PCDH15: variants seen among roughly 807,000 people sequenced by gnomAD.
PCDH15 encodes protocadherin related 15.
A neutral mutation model predicts 178.5 loss-of-function variants in PCDH15; 129 were observed. That is an observed-to-expected ratio of 0.72 (90% CI 0.63 to 0.84). The LOEUF (loss-of-function observed/expected upper bound fraction) is 0.84, where lower values mean the gene tolerates loss of function less well. PCDH15 is among the 40% of genes least tolerant of loss of function. PCDH15 has a pLI of 0.00. For synonymous variants in PCDH15, 800 were observed against 732.0 expected, an observed-to-expected ratio of 1.09 and a Z score of -1.50; for missense variants, 2,230 against 2,099.9, an observed-to-expected ratio of 1.06 and a Z score of -1.21.
chr10:54,199,171 T>C (rs1242549127), intron 10 of PCDH15, among the ~76,000 whole-genome samples: 2 of 152,176 alleles, frequency 1.3e-5, no homozygotes, highest in Non-Finnish European at 2.9e-5. Flanking sequence ...GAGTTAATAA[T>C]GATTAATATT....
At chr10:54,434,157 C>A (rs185246580) in intron 3 of PCDH15, among the ~76,000 whole-genome samples, 5 of 151,906 alleles carry the variant, frequency 3.3e-5, no homozygotes, top group African/African-American at 1.2e-4. Context: ...ACAATGTGTG[C>A]CTTAAGCTAA....
intron 1 of PCDH15, among the ~76,000 whole-genome samples, chr10:55,195,641 G>C (rs113391384): frequency 0.13 from 18,295 of 139,966 alleles, 1,455 homozygotes; most frequent in Non-Finnish European, 0.17. Flanking sequence ...GGTGACAGAG[G>C]GAAACTCCAT....
intron 2 of PCDH15, among the ~76,000 whole-genome samples, chr10:55,133,281 G>A (rs950105546): frequency 6.6e-6 from 1 of 152,106 alleles, no homozygotes; most frequent in Non-Finnish European, 1.5e-5. Context: ...GAAGTTCCCA[G>A]TCCTCATCTT....
chr10:54,078,676 C>T lies in PCDH15; in HGVS notation c.2091+655G>A, dbSNP rs539833315. 4.6e-5 allele frequency among the ~76,000 whole-genome samples: 7 copies of T among 151,298 alleles called. No individual in the cohort carries two copies. The South Asian group carries it at 1.2e-3, about 27-fold the overall frequency. ...TGGTAATATTACAATACATAGAAAGCGGGATGCTGGCAGTTGTGAATGAGA... is the reference window on the plus strand; with the variant it reads ...TGGTAATATTACAATACATAGAAAGTGGGATGCTGGCAGTTGTGAATGAGA... On this transcript the variant is annotated intron_variant, in intron 17 of 37. Coordinates refer to ENST00000644397, the MANE Select transcript of PCDH15 (RefSeq NM_001384140.1).
chr10:54,994,664 G>A (rs995369768), intron 2 of PCDH15, among the ~76,000 whole-genome samples: 1 of 152,088 alleles, frequency 6.6e-6, no homozygotes, highest in Admixed American at 6.5e-5. Flanking sequence ...TATAAACCAA[G>A]TGTATTTATA....
intron 18 of PCDH15, among the ~76,000 whole-genome samples, chr10:54,031,057 C>T (rs1026546796): frequency 4.6e-5 from 7 of 152,006 alleles, no homozygotes; most frequent in East Asian, 1.9e-4. Context: ...TGGAGGTCAA[C>T]GTATCACCTA....
At chr10:54,888,129 T>C (rs1954392882) in intron 3 of PCDH15, among the ~76,000 whole-genome samples, 1 of 152,132 alleles carries the variant, frequency 6.6e-6, no homozygotes. Flanking sequence ...ACAATCAAGA[T>C]AAAGGACGTA....
chr10:55,406,988 T>C (rs192983116), intron 2 of PCDH15, among the ~76,000 whole-genome samples: 65 of 152,312 alleles, frequency 4.3e-4, no homozygotes, highest in African/African-American at 1.6e-3. Flanking sequence ...ATGTTTATTA[T>C]AGGTTAACAA....
intron 2 of PCDH15, among the ~76,000 whole-genome samples, chr10:55,542,136 ATATATATGTC>A (rs779613329): frequency 1.3e-4 from 19 of 151,456 alleles, no homozygotes; most frequent in East Asian, 5.8e-4. Context: ...TCAGTATTAT[ATATATATGTC>A]TATATATGTC....
intron 14 of PCDH15, among the ~76,000 whole-genome samples, chr10:54,133,811 T>C (rs1477966735): frequency 1.3e-5 from 2 of 151,820 alleles, no homozygotes; most frequent in Non-Finnish European, 2.9e-5. Context: ...GATCTGAAAA[T>C]ACATAAGGTT....
intron 3 of PCDH15, among the ~76,000 whole-genome samples, chr10:54,401,560 T>C (rs1358024972): frequency 1.3e-5 from 2 of 151,796 alleles, no homozygotes; most frequent in East Asian, 3.9e-4. Context: ...ATCCGAAGAT[T>C]ATATTCAATG....
intron 2 of PCDH15, among the ~76,000 whole-genome samples, chr10:55,520,299 GTATATATATA>G (rs750692237): frequency 1.4e-5 from 1 of 71,540 alleles, no homozygotes; most frequent in Non-Finnish European, 2.6e-5. Flanking sequence ...CACGCAATAT[GTATATATATA>G]TATATACATG....
chr10:54,107,831 G>A (rs2094944829), intron 15 of PCDH15, among the ~76,000 whole-genome samples: 1 of 152,122 alleles, frequency 6.6e-6, no homozygotes, highest in Admixed American at 6.5e-5. Context: ...AGCCTGGCAT[G>A]GGGTCATCAA....
At chr10:54,790,520 A>C (rs191706573) in intron 1 of PCDH15, among the ~76,000 whole-genome samples, 2 of 151,802 alleles carry the variant, frequency 1.3e-5, no homozygotes, top group Non-Finnish European at 2.9e-5. Context: ...TTGATTTATG[A>C]AACCTTCTTT....
intron 2 of PCDH15, among the ~76,000 whole-genome samples, chr10:55,354,059 C>G (rs1845010846): frequency 6.6e-6 from 1 of 152,102 alleles, no homozygotes; most frequent in Admixed American, 6.6e-5. Context: ...AACTTATGCC[C>G]TCGTCTGATT....
intron 25 of PCDH15, among the ~76,000 whole-genome samples, chr10:53,905,518 G>C (rs959125372): frequency 6.6e-6 from 1 of 151,792 alleles, no homozygotes; most frequent in African/African-American, 2.4e-5. Flanking sequence ...TGTTTTTTTA[G>C]TAGAGACGGG....
intron 1 of PCDH15, among the ~76,000 whole-genome samples, chr10:54,674,566 T>C (rs1055468448): frequency 1.3e-5 from 2 of 152,120 alleles, no homozygotes; most frequent in East Asian, 3.9e-4. Context: ...ATTTATCTTA[T>C]AAATCTACAT....
intron 2 of PCDH15, among the ~76,000 whole-genome samples, chr10:55,006,558 C>T (rs1166866263): frequency 6.6e-6 from 1 of 152,094 alleles, no homozygotes; most frequent in Admixed American, 6.6e-5. Context: ...GGGGTGGATC[C>T]TTCATGGCTT....
At chr10:54,511,399 C>A (rs73258142) in intron 3 of PCDH15, among the ~76,000 whole-genome samples, 7,965 of 152,212 alleles carry the variant, frequency 0.052, 234 homozygotes, top group East Asian at 0.083. Context: ...TCCTTCCCAG[C>A]TGCCAGCCTA....
Sources: gnomAD v4.1 joint callset for allele counts (sites outside exome capture counted in the v4.1 genomes callset) on GRCh38, gnomAD v4.1.1 for gene constraint, MANE v1.5 for transcripts, NCBI Gene and HGNC (gene_info 2026-07-23, HGNC 2026-07-21) for gene names.